Variants in SHISA9 observed in about 807,000 individuals in gnomAD.
SHISA9 encodes the protein protein shisa-9.
SHISA9 carries 13 observed loss-of-function variants against 38.0 expected under a neutral mutation model. The observed-to-expected ratio is 0.34, with a 90% CI of 0.22 to 0.54. The LOEUF (loss-of-function observed/expected upper bound fraction) is 0.54. SHISA9 is among the 20% of genes least tolerant of loss of function. The probability of loss-of-function intolerance (pLI) is 0.91; values close to 1 mark genes in which losing one functional copy is unlikely to be tolerated. For synonymous variants in SHISA9, 275 were observed against 242.0 expected (o/e 1.14, Z -1.27); for missense variants, 538 against 575.8 (o/e 0.93, Z 0.67).
intron 2 of SHISA9, among the ~76,000 whole-genome samples, chr16:13,117,588 T>C (rs1358379667): frequency 6.6e-6 from 1 of 152,058 alleles, no homozygotes; most frequent in African/African-American, 2.4e-5. Flanking sequence ...AAGAGAGACA[T>C]GCAGAGAAGA....
chr16:13,492,302 T>C, the SHISA9 span, among the ~76,000 whole-genome samples: 9 of 152,130 alleles, frequency 5.9e-5, no homozygotes, highest in Non-Finnish European at 1.3e-4. Context: ...ACTCCTGGAA[T>C]TGGAGCTGGG....
chr16:13,087,991 T>C (rs1283381313), intron 2 of SHISA9, among the ~76,000 whole-genome samples: 2 of 152,214 alleles, frequency 1.3e-5, no homozygotes. Context: ...CTTGAATTAA[T>C]TTTTGTATAA....
At chr16:13,534,558 C>A in the SHISA9 span, among the ~76,000 whole-genome samples, 1 of 152,128 alleles carries the variant, frequency 6.6e-6, no homozygotes, top group Non-Finnish European at 1.5e-5. Flanking sequence ...TGGCTAATAA[C>A]TTCCAAGTTG....
chr16:13,427,541 T>C, the SHISA9 span, among the ~76,000 whole-genome samples: 4,874 of 152,292 alleles, frequency 0.032, 251 homozygotes, highest in African/African-American at 0.11. Flanking sequence ...CAAAGCCTTG[T>C]GGAAGACATG....
the SHISA9 span, among the ~76,000 whole-genome samples, chr16:13,428,602 A>G: frequency 6.6e-6 from 1 of 152,198 alleles, no homozygotes; most frequent in Non-Finnish European, 1.5e-5. Flanking sequence ...TCTGCACACT[A>G]AGAAGAAACT....
intron 2 of SHISA9, among the ~76,000 whole-genome samples, chr16:13,023,272 T>A (rs2072879933): frequency 6.6e-6 from 1 of 152,158 alleles, no homozygotes; most frequent in Non-Finnish European, 1.5e-5. Context: ...ATGCGGTGTT[T>A]GGTTTTCTGT....
rs116463827 is a variant in SHISA9 at position 13,147,097 on chromosome 16, A to G, written c.692-56297A>G. 2.6e-3 allele frequency among the ~76,000 whole-genome samples: 395 copies of G among 152,372 alleles called. 2 individuals carry two copies. Among genetic ancestry groups the G allele is most frequent in the African/African-American group, 9.0e-3 (374 of 41,576 alleles). On this transcript the variant is annotated intron_variant, in intron 2 of 4. Coordinates refer to ENST00000558583, the MANE Select transcript of SHISA9 (RefSeq NM_001145204.3). ...CAAATAAGAGGGACTTATTGAGCAC[A>G]AAAGACAGCAAGATGCATATTGTTT... is the stretch of plus-strand genomic sequence containing the variant.
At chr16:13,152,536 A>T (rs554164051) in intron 2 of SHISA9, among the ~76,000 whole-genome samples, 219 of 152,352 alleles carry the variant, frequency 1.4e-3, no homozygotes, top group African/African-American at 4.9e-3. Flanking sequence ...GAGTTCTGGA[A>T]CTAGCATATC....
At chr16:13,423,220 G>C in the SHISA9 span, among the ~76,000 whole-genome samples, 38 of 152,166 alleles carry the variant, frequency 2.5e-4, no homozygotes, top group Non-Finnish European at 5.1e-4. Flanking sequence ...AAGAGTGAAG[G>C]CTTCAATATT....
At chr16:13,561,112 C>A in the SHISA9 span, among the ~76,000 whole-genome samples, 2 of 152,186 alleles carry the variant, frequency 1.3e-5, no homozygotes, top group Non-Finnish European at 2.9e-5. Context: ...GAACTGCCCG[C>A]TTCAGCCAGC....
the SHISA9 span, among the ~76,000 whole-genome samples, chr16:13,286,258 A>G: frequency 6.6e-6 from 1 of 152,154 alleles, no homozygotes; most frequent in Non-Finnish European, 1.5e-5. Context: ...CTGAGCACAT[A>G]TAGGCAGGAC....
the SHISA9 span, among the ~76,000 whole-genome samples, chr16:13,445,437 A>G: frequency 1.1e-3 from 166 of 152,330 alleles, no homozygotes; most frequent in African/African-American, 3.9e-3. Context: ...TAGTCTTTGG[A>G]ACCTAGTGGT....
chr16:13,263,851 T>G, the SHISA9 span, among the ~76,000 whole-genome samples: 1 of 152,204 alleles, frequency 6.6e-6, no homozygotes, highest in African/African-American at 2.4e-5. Context: ...TTTTAGAAAC[T>G]TCTTGTGATT....
At chr16:13,464,595 GC>G in the SHISA9 span, among the ~76,000 whole-genome samples, 1 of 152,102 alleles carries the variant, frequency 6.6e-6, no homozygotes, top group Non-Finnish European at 1.5e-5. Context: ...AGCTGAAATT[GC>G]CTCCCTCTTT....
chr16:13,294,910 G>C, the SHISA9 span, among the ~76,000 whole-genome samples: 247 of 152,236 alleles, frequency 1.6e-3, 2 homozygotes, highest in Admixed American at 4.1e-3. Flanking sequence ...TGCAGTAACC[G>C]TTCTAACATT....
chr16:13,160,409 C>T (rs373573624), intron 2 of SHISA9, among the ~76,000 whole-genome samples: 40 of 152,296 alleles, frequency 2.6e-4, no homozygotes, highest in African/African-American at 9.1e-4. Flanking sequence ...ACCCAAGAGG[C>T]ACTTAAGTTT....
intron 2 of SHISA9, among the ~76,000 whole-genome samples, chr16:13,017,879 G>A (rs2072776748): frequency 6.6e-6 from 1 of 152,120 alleles, no homozygotes; most frequent in South Asian, 2.1e-4. Context: ...TTGCCTTGAG[G>A]GCTATCACAT....
At chr16:13,541,469 A>C in the SHISA9 span, among the ~76,000 whole-genome samples, 1 of 152,202 alleles carries the variant, frequency 6.6e-6, no homozygotes, top group Non-Finnish European at 1.5e-5. Flanking sequence ...TGCAGTCTAC[A>C]AACCATTTAC....
In SHISA9 at chr16:13,093,142, G is replaced by T. The variant is rs151332305; in HGVS notation, c.692-110252G>T. On this transcript the variant is annotated intron_variant, in intron 2 of 4. Transcript: ENST00000558583. ...GTTGGCAGCAGAGGAGTTGGAAAGG[G>T]TGAGGAACATGGGGCAGCCAGTTCA... Among the ~76,000 whole-genome samples the T allele has an allele frequency of 6.2e-3, 944 of 152,292 alleles. 10 individuals carry two copies. Among genetic ancestry groups the T allele is most frequent in the African/African-American group, 0.021 (893 of 41,544 alleles).
Sources: allele counts gnomAD v4.1 joint callset (sites outside exome capture counted in the v4.1 genomes callset), GRCh38; gene constraint gnomAD v4.1.1; transcripts MANE v1.5; gene names NCBI Gene and HGNC (gene_info 2026-07-23, HGNC 2026-07-21).